DHX57: variants seen among roughly 807,000 people sequenced by gnomAD.
DHX57 encodes the protein putative ATP-dependent RNA helicase DHX57.
A neutral mutation model predicts 156.2 loss-of-function variants in DHX57; 105 were observed. That is an observed-to-expected ratio of 0.67 (90% CI 0.57 to 0.79). The LOEUF (loss-of-function observed/expected upper bound fraction) is 0.79. Among genes scored for constraint, DHX57 ranks in the 30% least tolerant of loss-of-function variants. The pLI is 0.00. For missense variants in DHX57, 1,847 were observed against 1,661.9 expected (o/e 1.11, Z -1.94); for synonymous variants, 704 against 595.6 (o/e 1.18, Z -2.65).
intron 11 of DHX57, among the ~76,000 whole-genome samples, chr2:38,846,765 A>G (rs1296928613): frequency 6.6e-6 from 1 of 152,212 alleles, no homozygotes; most frequent in Non-Finnish European, 1.5e-5. Context: ...AATCAAGTGC[A>G]GAAAAATTAG....
intron 12 of DHX57, 125 bp from the exon 13 acceptor site, chr2:38,838,072 T>TA: frequency 3.0e-6 from 2 of 671,572 alleles, no homozygotes; most frequent in Non-Finnish European, 5.2e-6. Context: ...GCACAGATAT[T>TA]AACATTTAAT....
chr2:38,840,462 C>A (rs779908619), intron 12 of DHX57, among the ~76,000 whole-genome samples: 1 of 151,390 alleles, frequency 6.6e-6, no homozygotes, highest in Non-Finnish European at 1.5e-5. Context: ...CTCACTGTAG[C>A]CTCCGCCTCC....
chr2:38,824,831 T>G (rs1671012926), intron 16 of DHX57, among the ~76,000 whole-genome samples: 1 of 152,138 alleles, frequency 6.6e-6, no homozygotes, highest in South Asian at 2.1e-4. Flanking sequence ...ATTTTTTTAG[T>G]AGAGATGGGG....
intron 4 of DHX57, 75 bp from the exon 5 acceptor site, chr2:38,861,912 T>C: frequency 7.0e-7 from 1 of 1,424,894 alleles, no homozygotes; most frequent in African/African-American, 1.4e-5. Context: ...TTCATTTAAA[T>C]ATGCTTAGAT....
chr2:38,861,030 A>AT lies in DHX57; in HGVS notation c.1379dup (p.Asn460LysfsTer2). 1.2e-6 allele frequency: 2 copies of AT among 1,613,706 alleles called. No homozygotes were observed. The highest frequency in any genetic ancestry group is 1.7e-6 in the Non-Finnish European group (2 of 1,179,852). On this transcript the variant is annotated frameshift_variant, in exon 5 of 24. Transcript: ENST00000457308. LOFTEE classifies it high-confidence loss of function. Reference sequence around the variant, plus strand: ...GAATTTGATTAGAAACAAAAGAATTATTTGGAATCACTGTTTTATGACAGG... The same window carrying AT: ...GAATTTGATTAGAAACAAAAGAATTATTTTGGAATCACTGTTTTATGACAGG...
intron 23 of DHX57, among the ~76,000 whole-genome samples, chr2:38,800,522 C>T (rs1454209394): frequency 2.0e-5 from 3 of 152,104 alleles, no homozygotes; most frequent in Admixed American, 6.6e-5. Flanking sequence ...ACATACAGTT[C>T]GGACCCTGCT....
In DHX57 at chr2:38,843,084, G is replaced by A. The variant is rs1394051095; in HGVS notation, c.2346C>T (p.His782=). ...CTTTGACAGAATCCTGATCCTGGAGGTGAAGGGAGAGCCTTAGGTCTTCTT... is the reference window on the plus strand; with the variant it reads ...CTTTGACAGAATCCTGATCCTGGAGATGAAGGGAGAGCCTTAGGTCTTCTT... ...EVEEDLRLSL[H]LQDQDSVKDA... The change falls in exon 12 of 24, where the codon CAC becomes CAT. Residue 782 remains histidine (H), a synonymous_variant. Transcript: ENST00000457308. The A allele has an allele frequency of 6.8e-6, 11 of 1,614,180 alleles. No homozygotes were observed. The highest frequency in any genetic ancestry group is 1.3e-5 in the African/African-American group (1 of 75,050).
chr2:38,859,742 C>G (rs1673090100), intron 5 of DHX57, among the ~76,000 whole-genome samples: 1 of 151,566 alleles, frequency 6.6e-6, no homozygotes, highest in Non-Finnish European at 1.5e-5. Flanking sequence ...GAAGTTTACC[C>G]AAGGACTCTC....
chr2:38,813,320 T>C (rs908625961), intron 21 of DHX57, among the ~76,000 whole-genome samples: 2 of 152,168 alleles, frequency 1.3e-5, no homozygotes, highest in Non-Finnish European at 2.9e-5. Context: ...AAATGTGTTA[T>C]TGAATAATGT....
intron 22 of DHX57, 197 bp downstream of exon 22, chr2:38,806,362 T>G: frequency 1.8e-6 from 1 of 561,318 alleles, no homozygotes; most frequent in Non-Finnish European, 2.9e-6. Context: ...TGGTATTCAG[T>G]AGAATTTTCT....
intron 12 of DHX57, among the ~76,000 whole-genome samples, chr2:38,841,670 C>T (rs1672011656): frequency 6.6e-6 from 1 of 152,080 alleles, no homozygotes; most frequent in African/African-American, 2.4e-5. Flanking sequence ...TTGGGAAGAA[C>T]TAAGAACAGG....
chr2:38,819,146 T>C lies in DHX57; in HGVS notation c.3292-2A>G. The C allele has an allele frequency of 1.2e-6, 2 of 1,611,776 alleles. No individual in the cohort carries two copies. The highest frequency in any genetic ancestry group is 1.7e-6 in the Non-Finnish European group (2 of 1,179,258). ...TTCTTTTTTATCCCAGGGAGATACC[T>C]AAAGGAGAGAGGAAAATCAGATTTA... On this transcript the variant is annotated splice_acceptor_variant, in intron 17 of 23. Coordinates refer to ENST00000457308, the MANE Select transcript of DHX57 (RefSeq NM_198963.3). LOFTEE classifies it high-confidence loss of function.
At chr2:38,821,092 T>A (rs1282675952) in intron 17 of DHX57, among the ~76,000 whole-genome samples, 1 of 151,728 alleles carries the variant, frequency 6.6e-6, no homozygotes, top group Non-Finnish European at 1.5e-5. Context: ...CTCACAAATA[T>A]ATAGAAATTA....
intron 11 of DHX57, among the ~76,000 whole-genome samples, chr2:38,845,982 C>G (rs957329493): frequency 6.6e-6 from 1 of 151,846 alleles, no homozygotes; most frequent in African/African-American, 2.4e-5. Flanking sequence ...TCTCCTGCCT[C>G]AGCCTCCAGA....
At chr2:38,823,813 A>T (rs1296737759) in intron 16 of DHX57, among the ~76,000 whole-genome samples, 1 of 152,130 alleles carries the variant, frequency 6.6e-6, no homozygotes, top group Non-Finnish European at 1.5e-5. Flanking sequence ...GGAGTTCGAG[A>T]CCAGCCTGGC....
At chr2:38,823,797 AGG>A in intron 16 of DHX57, among the ~76,000 whole-genome samples, 1 of 152,300 alleles carries the variant, frequency 6.6e-6, no homozygotes, top group South Asian at 2.1e-4. Context: ...GGATCATTTG[AGG>A]TCAGGAGTTC....
At chr2:38,827,505 AATATAT>A (rs61667849) in intron 14 of DHX57, among the ~76,000 whole-genome samples, 8 of 10,140 alleles carry the variant, frequency 7.9e-4, no homozygotes, top group African/African-American at 1.1e-3. Context: ...AAAAAAAAAA[AATATAT>A]ATATATATAT....
Position 38,819,031 on chromosome 2 carries a change from A to G in DHX57, c.3387+18T>C, listed in dbSNP as rs1173544398. ...CCAACACTGGTAATAAAACTAAGCTATTAGGTTATATACTTACCTTATACG... is the reference window on the plus strand; with the variant it reads ...CCAACACTGGTAATAAAACTAAGCTGTTAGGTTATATACTTACCTTATACG... On this transcript the variant is annotated intron_variant, in intron 18 of 23. Coordinates refer to ENST00000457308, the MANE Select transcript of DHX57 (RefSeq NM_198963.3). The G allele has an allele frequency of 1.9e-6, 3 of 1,613,980 alleles. No homozygotes were observed. Among genetic ancestry groups the G allele is most frequent in the East Asian group, 2.2e-5 (1 of 44,900 alleles).
chr2:38,817,854 G>C (rs1213553229), intron 19 of DHX57, among the ~76,000 whole-genome samples: 1 of 151,884 alleles, frequency 6.6e-6, no homozygotes, highest in East Asian at 1.9e-4. Context: ...CATGTCACTA[G>C]GTCTGGCTGA....
Sources: allele counts gnomAD v4.1 joint callset (sites outside exome capture counted in the v4.1 genomes callset), GRCh38; gene constraint gnomAD v4.1.1; transcripts MANE v1.5; gene names NCBI Gene and HGNC (gene_info 2026-07-23, HGNC 2026-07-21).